WDR81: variants seen among roughly 807,000 people sequenced by gnomAD.
WDR81 encodes the protein WD repeat-containing protein 81.
Under a neutral mutation model 140.8 loss-of-function variants are expected in WDR81, and 92 were observed. The ratio of observed to expected loss-of-function variants is 0.65; its 90% confidence interval spans 0.55 to 0.78. WDR81 has a LOEUF of 0.78. WDR81 is among the 30% of genes least tolerant of loss of function. WDR81 has a pLI of 0.00. For missense variants in WDR81, 2,502 were observed against 2,636.4 expected (o/e 0.95, Z 1.12); for synonymous variants, 1,183 against 1,156.4 (o/e 1.02, Z -0.47).
At chr17:1,736,382 T>C (rs556011496) in intron 9 of WDR81, among the ~76,000 whole-genome samples, 164 bp downstream of exon 9, 1 of 152,186 alleles carries the variant, frequency 6.6e-6, no homozygotes, top group South Asian at 2.1e-4. Context: ...CGGTCCACCT[T>C]GGGAGCCAGT....
At chr17:1,722,438 C>T (rs1273438505), upstream of WDR81, among the ~76,000 whole-genome samples, 1 of 150,904 alleles carries the variant, frequency 6.6e-6, no homozygotes, top group African/African-American at 2.4e-5. Context: ...CCTCTGCCTC[C>T]TGGGTTCAAG....
chr17:1,728,309 C>T lies in WDR81; in HGVS notation c.3350C>T (p.Thr1117Ile). 3 of 1,612,806 alleles carry T rather than the reference C, an allele frequency of 1.9e-6. No individual in the cohort carries two copies. The highest frequency in any genetic ancestry group is 2.5e-6 in the Non-Finnish European group (3 of 1,179,992). ...AGTGACAAGAGCAGCACCAGCGAGA[C>T]CTCCCTGGGTGAGGAGCGGGCTCCA... ...RLSDKSSTSE[T>I]SLGEERAPDE... is the part of the protein sequence containing the mutation. Residue 1117 changes from threonine to isoleucine, a missense_variant, in exon 1 of 10, where the codon ACC (threonine) becomes ATC (isoleucine). Thr to Ile is a moderately conservative substitution (Grantham distance 89). Transcript: ENST00000409644.
At position 1,726,746 on chromosome 17, in the gene WDR81, C is replaced by T; in HGVS notation, c.1787C>T (p.Pro596Leu). ...CACCCCCAGCGCCTGGCTGGGGCTCCTGCCCTTGCCCCCGAGCCTCCCCTC... is the reference window on the plus strand; with the variant it reads ...CACCCCCAGCGCCTGGCTGGGGCTCTTGCCCTTGCCCCCGAGCCTCCCCTC... ...QPHPQRLAGA[P>L]ALAPEPPLIP... The change falls in exon 1 of 10, where the codon CCT becomes CTT. Residue 596 changes from proline to leucine, a missense_variant. Transcript: ENST00000409644. 1.3e-6 allele frequency: 2 copies of T among 1,547,550 alleles called. No individual in the cohort carries two copies. The highest frequency in any genetic ancestry group is 1.7e-6 in the Non-Finnish European group (2 of 1,146,180).
In WDR81 at chr17:1,725,951, A is replaced by T. The variant is rs1485491851; in HGVS notation, c.992A>T (p.Glu331Val). The change falls in exon 1 of 10, where the codon GAG (glutamate) becomes GTG (valine). Residue 331 changes from glutamate (E) to valine (V), a missense_variant. This residue lies in a region of WDR81 where 547 missense variants were observed against 513.8 expected (regional missense o/e 1.06). Coordinates refer to ENST00000409644, the MANE Select transcript of WDR81 (RefSeq NM_001163809.2). ...RDEAGIVSQE[E>V]QGGQPGQPTG... ...GAGGCGGGCATTGTGTCTCAAGAGG[A>T]GCAGGGAGGGCAACCTGGGCAACCC... 3 of 1,550,580 alleles carry T rather than the reference A, an allele frequency of 1.9e-6. No individual in the cohort carries two copies. The Admixed American group carries it at 5.9e-5, about 30-fold the overall frequency.
exon 1 of WDR81, chr17:1,716,546 C>A (rs926021723): frequency 1.3e-6 from 2 of 1,550,626 alleles, no homozygotes; most frequent in African/African-American, 1.4e-5. Flanking sequence ...AAAGAGCAGG[C>A]GAAAGCCACG....
At position 1,737,459 on chromosome 17, in the gene WDR81, C is replaced by T. The variant is rs1904975008; in HGVS notation, c.5600C>T (p.Ser1867Leu). The T allele has an allele frequency of 1.2e-6, 2 of 1,613,016 alleles. No individual in the cohort carries two copies. The highest frequency in any genetic ancestry group is 1.7e-6 in the Non-Finnish European group (2 of 1,180,000). ...LEQKPTHHYK[S>L]ASDPIHTFDL... ...CAGAAGCCCACCCATCACTACAAGT[C>T]AGCATCCGACCCCATCCACACCTTT... Residue 1867 changes from serine (S) to leucine (L), a missense_variant, in exon 10 of 10, where the codon TCA (serine) becomes TTA (leucine). By Grantham distance (145) the Ser-to-Leu change is moderately radical (BLOSUM62 -2). Transcript: ENST00000409644.
upstream of WDR81, among the ~76,000 whole-genome samples, chr17:1,723,711 T>A (rs1182348134): frequency 7.2e-5 from 11 of 151,980 alleles, no homozygotes; most frequent in East Asian, 2.2e-3. Flanking sequence ...GGTCTCGATC[T>A]CCTGACCTCG....
rs1343298676 is a variant in WDR81 at position 1,727,341 on chromosome 17, A to C, written c.2382A>C (p.Ala794=). ...GGGTGCGGACGCTGCAGCCCGATGC[A>C]CCTTTGTGGGTACGCTTCCAGGCTG... ...ATRVRTLQPD[A]PLWVRFQAVR... The change falls in exon 1 of 10, where the codon GCA becomes GCC. Residue 794 remains alanine, a synonymous_variant. Transcript: ENST00000409644. The C allele has an allele frequency of 3.2e-6, 5 of 1,549,856 alleles. No homozygotes were observed. The highest frequency in any genetic ancestry group is 3.5e-6 in the Non-Finnish European group (4 of 1,146,964).
upstream of WDR81, chr17:1,724,636 G>C: frequency 2.0e-6 from 2 of 1,016,190 alleles, no homozygotes; most frequent in South Asian, 4.6e-5. Context: ...CAGGAAGCGG[G>C]GTCCCGCCCG....
chr17:1,729,016 C>G (rs919881352), intron 1 of WDR81, among the ~76,000 whole-genome samples: 1 of 152,206 alleles, frequency 6.6e-6, no homozygotes, highest in African/African-American at 2.4e-5. Context: ...AGAGCACCTA[C>G]TCTGTGCCAA....
In WDR81 at chr17:1,730,950, G is replaced by T; in HGVS notation, c.3966+5G>T. The T allele has an allele frequency of 6.2e-7, 1 of 1,612,360 alleles. No individual in the cohort carries two copies. Among genetic ancestry groups the T allele is most frequent in the Non-Finnish European group, 8.5e-7 (1 of 1,179,318 alleles). On this transcript the variant is annotated splice_donor_5th_base_variant and intron_variant, in intron 3 of 9. Coordinates refer to ENST00000409644, the MANE Select transcript of WDR81 (RefSeq NM_001163809.2). ...CTGCCCTACATCAGCTACCTGGTCAGTCGCTGGTTTGGCAGGCCCGGGGCT... is the reference window on the plus strand; with the variant it reads ...CTGCCCTACATCAGCTACCTGGTCATTCGCTGGTTTGGCAGGCCCGGGGCT...
At chr17:1,720,782 A>AG (rs1379111930), upstream of WDR81, among the ~76,000 whole-genome samples, 1 of 151,736 alleles carries the variant, frequency 6.6e-6, no homozygotes, top group Non-Finnish European at 1.5e-5. Context: ...AAAAAAAAAA[A>AG]AGAATTATGC....
chr17:1,737,260 C>T, intron 9 of WDR81, 105 bp from the exon 10 acceptor site: 1 of 1,201,316 alleles, frequency 8.3e-7, no homozygotes, highest in Non-Finnish European at 1.1e-6. Context: ...CCAGGACGGC[C>T]TGTCTCCCTG....
chr17:1,720,880 GCTAGGACA>G (rs1914828232), upstream of WDR81, among the ~76,000 whole-genome samples: 1 of 152,124 alleles, frequency 6.6e-6, no homozygotes, highest in Non-Finnish European at 1.5e-5. Context: ...TCCCAATATT[GCTAGGACA>G]TCTCTATTCT....
chr17:1,725,614 T>C lies in WDR81; in HGVS notation c.655T>C (p.Leu219=). 6.5e-7 allele frequency: 1 copy of C among 1,545,432 alleles called. No homozygotes were observed. The highest frequency in any genetic ancestry group is 1.2e-5 in the South Asian group (1 of 84,060). ...PRGSPACPSL[L]RAEALLESPE... Reference sequence around the variant, plus strand: ...GGGCAGCCCTGCTTGCCCTAGTCTTTTACGGGCTGAGGCCTTGCTGGAGTC... The same window carrying C: ...GGGCAGCCCTGCTTGCCCTAGTCTTCTACGGGCTGAGGCCTTGCTGGAGTC... Residue 219 remains leucine (L), a synonymous_variant, in exon 1 of 10, where the codon TTA becomes CTA. Coordinates refer to ENST00000409644, the MANE Select transcript of WDR81 (RefSeq NM_001163809.2).
In WDR81 at chr17:1,732,373, C is replaced by T. The variant is rs777121317; in HGVS notation, c.4206C>T (p.Ile1402=). ...QARTILCVKT[I]SLIALICLRI... ...GGACCATCCTGTGTGTGAAAACCATCAGCCTCATCGCCCTCATCTGCCTGC... is the reference window on the plus strand; with the variant it reads ...GGACCATCCTGTGTGTGAAAACCATTAGCCTCATCGCCCTCATCTGCCTGC... Residue 1402 remains isoleucine (I), a synonymous_variant, in exon 5 of 10, where the codon ATC becomes ATT. Transcript: ENST00000409644. The T allele has an allele frequency of 1.5e-5, 25 of 1,613,540 alleles. No individual in the cohort carries two copies. Among genetic ancestry groups the T allele is most frequent in the Non-Finnish European group, 2.0e-5 (24 of 1,180,042 alleles).
At position 1,725,834 on chromosome 17, in the gene WDR81, A is replaced by G; in HGVS notation, c.875A>G (p.Asp292Gly). The G allele has an allele frequency of 6.4e-7, 1 of 1,550,646 alleles. No homozygotes were observed. The highest frequency in any genetic ancestry group is 2.4e-5 in the East Asian group (1 of 40,906). ...GALSLYHIAV[D>G]EKLCSELRLD... ...CTGTCTTTGTATCACATCGCAGTGG[A>G]TGAGAAGCTTTGCAGCGAGCTGCGA... The change falls in exon 1 of 10, where the codon GAT (aspartate) becomes GGT (glycine). Residue 292 changes from aspartate to glycine, a missense_variant. Physicochemically the swap from Asp to Gly is moderately conservative, Grantham distance 94. This residue lies in a region of WDR81 where 547 missense variants were observed against 513.8 expected (regional missense o/e 1.06). Coordinates refer to ENST00000409644, the MANE Select transcript of WDR81 (RefSeq NM_001163809.2).
chr17:1,717,176 G>A (rs1914617577), intron 1 of WDR81: 1 of 154,790 alleles, frequency 6.5e-6, no homozygotes, highest in Non-Finnish European at 1.4e-5. Context: ...GGCCTACTTA[G>A]GGAAGAGATT....
In WDR81 at chr17:1,728,372, G is replaced by C. The variant is rs375136150; in HGVS notation, c.3413G>C (p.Arg1138Pro). The part of the protein sequence containing the change: ...GGAPVDKSSL[R>P]SGDSSQDLKQ... ...GCCCCCGTGGACAAGAGCAGCCTTC[G>C]ATCAGGTGACAGCAGCCAGGACTTG... Residue 1138 changes from arginine to proline, a missense_variant, in exon 1 of 10, where the codon CGA becomes CCA. By Grantham distance (103) the Arg-to-Pro change is moderately radical (BLOSUM62 -2). Around this residue, in one of 3 missense-constraint regions of WDR81, gnomAD observed 1,737 missense variants for 1,843.0 expected, o/e 0.94. Coordinates refer to ENST00000409644, the MANE Select transcript of WDR81 (RefSeq NM_001163809.2). 4.3e-6 allele frequency: 7 copies of C among 1,612,862 alleles called. No individual in the cohort carries two copies. Among genetic ancestry groups the C allele is most frequent in the African/African-American group, 1.3e-5 (1 of 74,942 alleles).
Sources: allele counts gnomAD v4.1 joint callset (sites outside exome capture counted in the v4.1 genomes callset), GRCh38; gene constraint gnomAD v4.1.1; regional missense constraint gnomAD v4.1.1; transcripts MANE v1.5; gene names NCBI Gene and HGNC (gene_info 2026-07-23, HGNC 2026-07-21).